Variants in DNAJC10 observed in about 807,000 individuals in gnomAD.
DNAJC10 encodes endoplasmic reticulum disulfide reductase DNAJC10.
A neutral mutation model predicts 115.0 loss-of-function variants in DNAJC10; 101 were observed. That is an observed-to-expected ratio of 0.88 (90% CI 0.75 to 1.04). The LOEUF (loss-of-function observed/expected upper bound fraction) is 1.04, where lower values mean the gene tolerates loss of function less well. DNAJC10 is among the 50% of genes least tolerant of loss of function. DNAJC10 has a pLI of 0.00. For missense variants in DNAJC10, 981 were observed against 928.8 expected (o/e 1.06, Z -0.73); for synonymous variants, 307 against 301.5 (o/e 1.02, Z -0.19).
At chr2:182,745,783 A>G (rs1693847606) in intron 14 of DNAJC10, among the ~76,000 whole-genome samples, 1 of 151,808 alleles carries the variant, frequency 6.6e-6, no homozygotes, top group Admixed American at 6.6e-5. Flanking sequence ...ACATGTGCAC[A>G]ATGTGCAGGT....
intron 9 of DNAJC10, among the ~76,000 whole-genome samples, chr2:182,731,352 A>G (rs959884320): frequency 6.6e-6 from 1 of 152,094 alleles, no homozygotes; most frequent in Non-Finnish European, 1.5e-5. Context: ...GCTTAGACTC[A>G]TGATAAATTG....
chr2:182,719,761 A>G lies in DNAJC10; in HGVS notation c.205-246A>G, dbSNP rs545012370. 2.1e-3 allele frequency among the ~76,000 whole-genome samples: 320 copies of G among 149,698 alleles called. 1 individual carries two copies. Among genetic ancestry groups the G allele is most frequent in the Admixed American group, 4.9e-3 (74 of 15,060 alleles). ...ACTCATGGTCTGATAACGTCTGTCA[A>G]CCTTTTGAAGAGTCAATTATTTCAT... On this transcript the variant is annotated intron_variant, in intron 3 of 23. Transcript: ENST00000264065.
In DNAJC10 at chr2:182,717,211, A is replaced by T. The variant is rs1408729213; in HGVS notation, c.-147+139A>T. 14 of 152,350 alleles carry T rather than the reference A, an allele frequency of 9.2e-5. No individual in the cohort carries two copies. The East Asian group carries it at 2.7e-3, about 29-fold the overall frequency. 9.4% of individuals were successfully genotyped at this position (152,350 alleles called of 1,614,324 possible). A position where few individuals can be genotyped will look rare whatever the true frequency, so the allele number is the denominator to read the frequency against. On this transcript the variant is annotated intron_variant, in intron 2 of 23. Coordinates refer to ENST00000264065, the MANE Select transcript of DNAJC10 (RefSeq NM_018981.4). ...TGGTTGAAATGTGATATGATGAAGT[A>T]ATGATTGTTTTTGCCCTGCAGAGAG...
At chr2:182,727,515 G>T (rs901123313) in intron 5 of DNAJC10, among the ~76,000 whole-genome samples, 27 of 152,174 alleles carry the variant, frequency 1.8e-4, no homozygotes, top group Middle Eastern at 3.4e-3. Context: ...ATGGTCATTT[G>T]CCAGACTTTG....
At chr2:182,722,916 C>A (rs1693189213) in intron 5 of DNAJC10, among the ~76,000 whole-genome samples, 1 of 151,754 alleles carries the variant, frequency 6.6e-6, no homozygotes, top group Non-Finnish European at 1.5e-5. Context: ...AAAAAGAAAA[C>A]TAAAATAGCG....
chr2:182,722,202 T>A, intron 5 of DNAJC10, 127 bp downstream of exon 5: 1 of 615,600 alleles, frequency 1.6e-6, no homozygotes, highest in Non-Finnish European at 2.8e-6. Flanking sequence ...TGTAATATAC[T>A]GTATCTTAAA....
intron 14 of DNAJC10, among the ~76,000 whole-genome samples, chr2:182,747,096 G>A (rs1202083688): frequency 3.3e-5 from 5 of 152,188 alleles, no homozygotes; most frequent in African/African-American, 4.8e-5. Context: ...CTATATCTCT[G>A]TTTTGGTACC....
chr2:182,743,290 TCTCTC>T (rs1462273131), intron 13 of DNAJC10, among the ~76,000 whole-genome samples: 2 of 152,212 alleles, frequency 1.3e-5, no homozygotes, highest in Non-Finnish European at 2.9e-5. Context: ...CTGAAAGTGA[TCTCTC>T]CTCTATCTCA....
Position 182,785,467 on chromosome 2 carries a change from C to T in DNAJC10, c.*8335C>T, listed in dbSNP as rs2105725358. 6.6e-6 allele frequency: 1 copy of T among 152,172 alleles called. No homozygotes were observed. Among genetic ancestry groups the T allele is most frequent in the Admixed American group, 6.5e-5 (1 of 15,272 alleles). The allele number at this position is 152,172 out of a possible 1,614,324, so 9.4% of individuals were successfully genotyped here. A position where few individuals can be genotyped will look rare whatever the true frequency, so the allele number is the denominator to read the frequency against. On this transcript the variant is annotated 3_prime_UTR_variant, in exon 24 of 24. Transcript: ENST00000264065. The stretch of plus-strand genomic sequence containing the variant: ...ACTATGAGTTTGGAAAAATTGCTTA[C>T]TTCATATCTGTATCCTAATTATCCT...
chr2:182,771,399 A>G (rs1012002183), intron 22 of DNAJC10, among the ~76,000 whole-genome samples: 1 of 152,226 alleles, frequency 6.6e-6, no homozygotes, highest in Non-Finnish European at 1.5e-5. Flanking sequence ...TTCAGCAGGA[A>G]TGGTACCAGC....
chr2:182,724,085 T>A (rs1186044989), intron 5 of DNAJC10, among the ~76,000 whole-genome samples: 1 of 152,204 alleles, frequency 6.6e-6, no homozygotes, highest in Non-Finnish European at 1.5e-5. Flanking sequence ...GTAGGTTTAA[T>A]CAATTCTGAC....
In DNAJC10 at chr2:182,779,209, G is replaced by GTTATC. The variant is rs1383502660; in HGVS notation, c.*2082_*2086dup. On this transcript the variant is annotated 3_prime_UTR_variant, in exon 24 of 24. Transcript: ENST00000264065. ...GTATCATAAAGTGACATACATCAAG[G>GTTATC]TTATCTTATATAGTCATAACAGTAT... 2.6e-5 allele frequency: 4 copies of GTTATC among 152,116 alleles called. No individual in the cohort carries two copies. The highest frequency in any genetic ancestry group is 5.9e-5 in the Non-Finnish European group (4 of 68,022). The allele number at this position is 152,116 out of a possible 1,614,324, so 9.4% of individuals were successfully genotyped here. A position where few individuals can be genotyped will look rare whatever the true frequency, so the allele number is the denominator to read the frequency against.
At chr2:182,722,351 G>A (rs977304523) in intron 5 of DNAJC10, among the ~76,000 whole-genome samples, 1 of 152,116 alleles carries the variant, frequency 6.6e-6, no homozygotes, top group Non-Finnish European at 1.5e-5. Flanking sequence ...TGAGCTTGCT[G>A]CAAACTTACA....
At chr2:182,755,340 G>A (rs1694130513) in intron 17 of DNAJC10, among the ~76,000 whole-genome samples, 1 of 151,654 alleles carries the variant, frequency 6.6e-6, no homozygotes, top group Non-Finnish European at 1.5e-5. Context: ...TATAAACAAT[G>A]GACACAATTA....
intron 10 of DNAJC10, among the ~76,000 whole-genome samples, chr2:182,733,631 T>C (rs1208206358): frequency 6.6e-6 from 1 of 151,494 alleles, no homozygotes; most frequent in African/African-American, 2.4e-5. Flanking sequence ...GAAAGTATTA[T>C]CTCTTTTTCT....
chr2:182,776,181 T>A (rs1694699085), intron 23 of DNAJC10, among the ~76,000 whole-genome samples: 1 of 152,184 alleles, frequency 6.6e-6, no homozygotes, highest in Non-Finnish European at 1.5e-5. Flanking sequence ...ATTTAAATTT[T>A]GTTCAAATGT....
At chr2:182,731,228 T>G in intron 9 of DNAJC10, 121 bp downstream of exon 9, 1 of 618,986 alleles carries the variant, frequency 1.6e-6, no homozygotes, top group Non-Finnish European at 2.7e-6. Flanking sequence ...ATGCCCAGGA[T>G]TACAATTTTT....
rs904979559 is a variant in DNAJC10 at position 182,785,644 on chromosome 2, A to G, written c.*8512A>G. 3 of 152,170 alleles carry G rather than the reference A, an allele frequency of 2.0e-5. No homozygotes were observed. The highest frequency in any genetic ancestry group is 2.9e-5 in the Non-Finnish European group (2 of 68,010). 9.4% of individuals were successfully genotyped at this position (152,170 alleles called of 1,614,324 possible). ...ACAAATGGTATGATTTCTTTAATGA[A>G]AAAGACAGAGAAAGGTATCGTATAG... On this transcript the variant is annotated 3_prime_UTR_variant, in exon 24 of 24. Coordinates refer to ENST00000264065, the MANE Select transcript of DNAJC10 (RefSeq NM_018981.4).
At chr2:182,763,698 C>G (rs1429946036) in intron 22 of DNAJC10, among the ~76,000 whole-genome samples, 1 of 152,114 alleles carries the variant, frequency 6.6e-6, no homozygotes, top group African/African-American at 2.4e-5. Flanking sequence ...CATGCCCCGA[C>G]CTCAAATGCC....
Sources: allele counts gnomAD v4.1 joint callset (sites outside exome capture counted in the v4.1 genomes callset), GRCh38; gene constraint gnomAD v4.1.1; transcripts MANE v1.5; gene names NCBI Gene and HGNC (gene_info 2026-07-23, HGNC 2026-07-21).